Variants in KIF23 observed in about 807,000 individuals in gnomAD.
KIF23 encodes kinesin-like protein KIF23.
A neutral mutation model predicts 137.5 loss-of-function variants in KIF23; 30 were observed. The observed-to-expected ratio is 0.22, with a 90% CI of 0.16 to 0.30. The LOEUF is 0.30. KIF23 is among the 10% of genes least tolerant of loss of function. The pLI is 1.00. For synonymous variants in KIF23, 367 were observed against 391.1 expected (o/e 0.94, Z 0.73); for missense variants, 920 against 1,194.3 (o/e 0.77, Z 3.38).
At chr15:69,428,302 A>G (rs1474800261) in intron 10 of KIF23, among the ~76,000 whole-genome samples, 1 of 151,806 alleles carries the variant, frequency 6.6e-6, no homozygotes, top group East Asian at 1.9e-4. Flanking sequence ...CCTGATTTCC[A>G]TTGAATCACA....
intron 15 of KIF23, among the ~76,000 whole-genome samples, chr15:69,437,618 G>A (rs980800378): frequency 5.3e-5 from 8 of 151,852 alleles, no homozygotes; most frequent in South Asian, 2.1e-4. Context: ...ACACCACCAC[G>A]CCCTGCTAAT....
rs1172051345 is a variant in KIF23, at chr15:69,426,194, C to G, written c.889+12C>G. ...AGTTTTCTGGAGAGGTTAGAAACAC[C>G]TAGAACTAGAAAAATACAGAATGAT... On this transcript the variant is annotated intron_variant, in intron 9 of 23. Coordinates refer to ENST00000679126, the MANE Select transcript of KIF23 (RefSeq NM_001367805.3). The G allele has an allele frequency of 6.3e-7, 1 of 1,593,628 alleles. No individual in the cohort carries two copies. Among genetic ancestry groups the G allele is most frequent in the Non-Finnish European group, 8.6e-7 (1 of 1,168,492 alleles).
At chr15:69,421,567 C>T in intron 3 of KIF23, 80 bp from the exon 4 acceptor site, 1 of 845,152 alleles carries the variant, frequency 1.2e-6, no homozygotes, top group South Asian at 1.6e-5. Flanking sequence ...ATGTCATAAA[C>T]ACCTTAAGTT....
At chr15:69,438,910 AC>A (rs1018454181) in intron 16 of KIF23, among the ~76,000 whole-genome samples, 12 of 152,110 alleles carry the variant, frequency 7.9e-5, no homozygotes, top group Non-Finnish European at 1.5e-5. Context: ...TCCAGACCAG[AC>A]CGGGCAACGT....
At position 69,436,811 on chromosome 15, in the gene KIF23, G is replaced by C. The variant is rs138369451; in HGVS notation, c.1597+89G>C. Reference sequence around the variant, plus strand: ...ACTCTGTACCCCAGGGTGGAGTGCAGTGGCACAATCTCGGTTCACTGCAAC... The same window carrying C: ...ACTCTGTACCCCAGGGTGGAGTGCACTGGCACAATCTCGGTTCACTGCAAC... On this transcript the variant is annotated intron_variant, in intron 15 of 23. Transcript: ENST00000679126. 9.7e-4 allele frequency: 798 copies of C among 820,232 alleles called. 4 individuals carry two copies. The highest frequency in any genetic ancestry group is 7.4e-3 in the African/African-American group (421 of 56,532). 50.8% of individuals were successfully genotyped at this position (820,232 alleles called of 1,614,324 possible).
chr15:69,441,473 A>C (rs1455080618), intron 19 of KIF23, among the ~76,000 whole-genome samples: 1 of 152,216 alleles, frequency 6.6e-6, no homozygotes, highest in Non-Finnish European at 1.5e-5. Flanking sequence ...AGTTTTAAAA[A>C]TTGTTTTCCC....
intron 7 of KIF23, among the ~76,000 whole-genome samples, chr15:69,424,390 A>C (rs1421251208): frequency 6.6e-6 from 1 of 152,210 alleles, no homozygotes. Flanking sequence ...ACATTTCTTC[A>C]AGTGAGAACT....
At chr15:69,439,324 T>A (rs78553803) in intron 16 of KIF23, among the ~76,000 whole-genome samples, 5 of 152,084 alleles carry the variant, frequency 3.3e-5, no homozygotes, top group Admixed American at 1.3e-4. Context: ...TTTTTTTTTT[T>A]AATGAGATAA....
chr15:69,428,769 A>T (rs2057276889), intron 10 of KIF23, among the ~76,000 whole-genome samples: 1 of 151,634 alleles, frequency 6.6e-6, no homozygotes, highest in South Asian at 2.1e-4. Flanking sequence ...CCTGTTCTAG[A>T]CTCTTATTCA....
At chr15:69,434,866 C>A in intron 11 of KIF23, 1 of 770,056 alleles carries the variant, frequency 1.3e-6, no homozygotes. Context: ...CTCACGTAGT[C>A]CATAGCTGCG....
At chr15:69,416,114 C>T in intron 2 of KIF23, 51 bp downstream of exon 2, 4 of 1,205,322 alleles carry the variant, frequency 3.3e-6, no homozygotes, top group Non-Finnish European at 4.7e-6. Flanking sequence ...CTTATCTCTT[C>T]AGTCCTTTCT....
intron 11 of KIF23, among the ~76,000 whole-genome samples, chr15:69,431,631 A>G (rs1173668231): frequency 6.6e-6 from 1 of 151,474 alleles, no homozygotes; most frequent in East Asian, 1.9e-4. Flanking sequence ...AAAAAAAGAA[A>G]TGATTGAAGC....
intron 5 of KIF23, 51 bp downstream of exon 5, chr15:69,422,179 A>C (rs573840379): frequency 6.3e-7 from 1 of 1,592,624 alleles, no homozygotes; most frequent in South Asian, 1.1e-5. Flanking sequence ...TAAGACACCT[A>C]TGGATACAGT....
chr15:69,422,507 G>A, intron 6 of KIF23, 72 bp downstream of exon 6: 1 of 822,056 alleles, frequency 1.2e-6, no homozygotes, highest in Non-Finnish European at 2.1e-6. Flanking sequence ...GCCCAGACAT[G>A]AGGAATGGTG....
intron 16 of KIF23, among the ~76,000 whole-genome samples, chr15:69,439,057 G>A (rs1008509672): frequency 1.3e-5 from 2 of 149,264 alleles, no homozygotes; most frequent in African/African-American, 5.0e-5. Flanking sequence ...GGGATTGCAC[G>A]ACTGCACTCC....
intron 3 of KIF23, among the ~76,000 whole-genome samples, chr15:69,420,874 C>T (rs1455557264): frequency 6.6e-6 from 1 of 152,124 alleles, no homozygotes; most frequent in Non-Finnish European, 1.5e-5. Flanking sequence ...CCTGCCTCAG[C>T]CTTCCAAAGT....
At chr15:69,438,191 A>T in intron 15 of KIF23, 57 bp from the exon 16 acceptor site, 2 of 1,448,282 alleles carry the variant, frequency 1.4e-6, no homozygotes, top group East Asian at 2.3e-5. Context: ...GCAAAAGTTG[A>T]TATCATTGTT....
In KIF23 at chr15:69,436,710, T is replaced by A; in HGVS notation, c.1585T>A (p.Phe529Ile). ...CTTACGACAAATGATGATTGATGAG[T>A]TTAACAAACAATGTAAGGGCAAAAC... ...HNLRQMMIDE[F>I]NKQSNAFKAL... Residue 529 changes from phenylalanine to isoleucine, a missense_variant, in exon 15 of 24, where the codon TTT becomes ATT. Transcript: ENST00000679126. 6.4e-7 allele frequency: 1 copy of A among 1,563,412 alleles called. No individual in the cohort carries two copies. The highest frequency in any genetic ancestry group is 8.7e-7 in the Non-Finnish European group (1 of 1,153,030).
chr15:69,418,533 CT>C, intron 3 of KIF23, among the ~76,000 whole-genome samples: 1 of 152,286 alleles, frequency 6.6e-6, no homozygotes, highest in African/African-American at 2.4e-5. Context: ...TTACTTGCCT[CT>C]CCTTATAACT....
Sources: gnomAD v4.1 joint callset for allele counts (sites outside exome capture counted in the v4.1 genomes callset) on GRCh38, gnomAD v4.1.1 for gene constraint, MANE v1.5 for transcripts, NCBI Gene and HGNC (gene_info 2026-07-23, HGNC 2026-07-21) for gene names.